The following EDIL3 variants were observed in gnomAD, a reference collection of about 807,000 sequenced individuals.
EDIL3 encodes the protein EGF like and discoidin domains 3.
A neutral mutation model predicts 67.4 loss-of-function variants in EDIL3; 37 were observed. The ratio of observed to expected loss-of-function variants is 0.55; its 90% CI spans 0.42 to 0.72. The LOEUF (loss-of-function observed/expected upper bound fraction) is 0.72. Among genes scored for constraint, EDIL3 ranks in the 30% least tolerant of loss-of-function variants. EDIL3 has a pLI of 0.00. For synonymous variants in EDIL3, 195 were observed against 196.3 expected, an observed-to-expected ratio of 0.99 and a Z score of 0.05; for missense variants, 527 against 586.3, an observed-to-expected ratio of 0.90 and a Z score of 1.04.
At chr5:84,170,788 TTTAA>T (rs1028171103) in intron 4 of EDIL3, among the ~76,000 whole-genome samples, 6 of 152,148 alleles carry the variant, frequency 3.9e-5, no homozygotes, top group Non-Finnish European at 7.3e-5. Context: ...TTTATTTTAT[TTTAA>T]TTAATTAATT....
At chr5:84,161,074 A>G (rs929291756) in intron 4 of EDIL3, among the ~76,000 whole-genome samples, 1 of 151,972 alleles carries the variant, frequency 6.6e-6, no homozygotes, top group African/African-American at 2.4e-5. Flanking sequence ...TCCCACTTAC[A>G]AATGAGAACA....
chr5:84,300,097 C>G (rs1033610593), intron 1 of EDIL3, among the ~76,000 whole-genome samples: 2 of 152,202 alleles, frequency 1.3e-5, no homozygotes, highest in Non-Finnish European at 2.9e-5. Context: ...TGGCACAGTA[C>G]TCACTGGATT....
chr5:83,992,897 A>T (rs1745175180), intron 9 of EDIL3, among the ~76,000 whole-genome samples: 1 of 151,782 alleles, frequency 6.6e-6, no homozygotes, highest in African/African-American at 2.4e-5. Context: ...TTATTAATTA[A>T]AGACTTTAGT....
At chr5:84,323,041 C>T (rs1367668872) in intron 1 of EDIL3, among the ~76,000 whole-genome samples, 1 of 151,928 alleles carries the variant, frequency 6.6e-6, no homozygotes, top group African/African-American at 2.4e-5. Context: ...CAGGACTAGA[C>T]CTATAAAATC....
intron 10 of EDIL3, among the ~76,000 whole-genome samples, chr5:83,962,562 AGT>A (rs765520684): frequency 3.3e-5 from 5 of 151,534 alleles, no homozygotes; most frequent in Non-Finnish European, 1.5e-5. Flanking sequence ...TGATTTGTAC[AGT>A]GTGTGTGTAT....
At chr5:84,277,300 C>T (rs902010054) in intron 1 of EDIL3, among the ~76,000 whole-genome samples, 16 of 151,954 alleles carry the variant, frequency 1.1e-4, no homozygotes, top group South Asian at 4.2e-4. Context: ...GAGGTTATAC[C>T]GAGAAGAGAG....
intron 9 of EDIL3, among the ~76,000 whole-genome samples, chr5:84,023,414 T>C (rs1745753344): frequency 6.6e-6 from 1 of 152,028 alleles, no homozygotes; most frequent in Non-Finnish European, 1.5e-5. Flanking sequence ...TTTAAATTAA[T>C]TTAACTTTAT....
intron 3 of EDIL3, among the ~76,000 whole-genome samples, chr5:84,193,427 T>C (rs1342998734): frequency 5.3e-5 from 8 of 151,796 alleles, no homozygotes; most frequent in Admixed American, 1.3e-4. Flanking sequence ...AGGGTCTAGA[T>C]TGAAAGAGAG....
chr5:84,214,402 C>T (rs1360772558), intron 3 of EDIL3, among the ~76,000 whole-genome samples: 2 of 151,742 alleles, frequency 1.3e-5, no homozygotes, highest in East Asian at 1.9e-4. Context: ...ATAACCCCCG[C>T]CCCCCGCCAC....
intron 1 of EDIL3, among the ~76,000 whole-genome samples, chr5:84,313,623 C>G (rs1746449620): frequency 6.6e-6 from 1 of 152,130 alleles, no homozygotes; most frequent in Non-Finnish European, 1.5e-5. Flanking sequence ...GGTGGTAACT[C>G]CCAAGAGCCA....
At chr5:84,326,085 G>A (rs2112160503) in intron 1 of EDIL3, among the ~76,000 whole-genome samples, 1 of 152,112 alleles carries the variant, frequency 6.6e-6, no homozygotes, top group Non-Finnish European at 1.5e-5. Flanking sequence ...ATGGAATTGA[G>A]TTAGTTATTG....
At position 84,119,961 on chromosome 5, in the gene EDIL3, T is replaced by C. The variant is rs1212005838; in HGVS notation, c.470-13131A>G. Among the ~76,000 whole-genome samples, 3 of 151,958 alleles carry C rather than the reference T, an allele frequency of 2.0e-5. No individual in the cohort carries two copies. The South Asian group carries it at 6.2e-4, about 31-fold the overall frequency. ...ATGTTAATATTCATTGTTTCTGATTTCTAAGGACATAAAGGGGATGTCTTG... is the reference window on the plus strand; with the variant it reads ...ATGTTAATATTCATTGTTTCTGATTCCTAAGGACATAAAGGGGATGTCTTG... On this transcript the variant is annotated intron_variant, in intron 5 of 10. Coordinates refer to ENST00000296591, the MANE Select transcript of EDIL3 (RefSeq NM_005711.5).
At chr5:83,977,368 C>G (rs946594156) in intron 9 of EDIL3, among the ~76,000 whole-genome samples, 3 of 151,766 alleles carry the variant, frequency 2.0e-5, no homozygotes, top group Non-Finnish European at 4.4e-5. Flanking sequence ...TTAAAGACTT[C>G]TACATCATTG....
chr5:84,167,605 C>T (rs1466621993), intron 4 of EDIL3, among the ~76,000 whole-genome samples: 2 of 152,070 alleles, frequency 1.3e-5, no homozygotes, highest in African/African-American at 2.4e-5. Context: ...ACCAATAATA[C>T]CAAGAATGAT....
chr5:84,070,627 GTGTGT>G (rs1746723371), intron 6 of EDIL3, among the ~76,000 whole-genome samples: 1 of 151,800 alleles, frequency 6.6e-6, no homozygotes, highest in Non-Finnish European at 1.5e-5. Flanking sequence ...GTGTGTGTGT[GTGTGT>G]GTGTGTGTGT....
chr5:84,335,732 G>C (rs760089353), intron 1 of EDIL3, among the ~76,000 whole-genome samples: 1 of 152,170 alleles, frequency 6.6e-6, no homozygotes, highest in Non-Finnish European at 1.5e-5. Context: ...AGGTAGAGGG[G>C]TTATGGAAGA....
intron 1 of EDIL3, among the ~76,000 whole-genome samples, chr5:84,319,706 G>A (rs975825549): frequency 1.1e-4 from 17 of 152,036 alleles, no homozygotes; most frequent in Non-Finnish European, 2.4e-4. Flanking sequence ...GCACACATAT[G>A]TTTACTGCAG....
At chr5:83,996,306 A>G (rs1745237691) in intron 9 of EDIL3, among the ~76,000 whole-genome samples, 1 of 152,214 alleles carries the variant, frequency 6.6e-6, no homozygotes, top group Non-Finnish European at 1.5e-5. Context: ...TCAAACAGAA[A>G]GAATCTGTTC....
At chr5:84,170,145 A>G (rs568985265) in intron 4 of EDIL3, among the ~76,000 whole-genome samples, 3 of 152,206 alleles carry the variant, frequency 2.0e-5, no homozygotes, top group Non-Finnish European at 4.4e-5. Flanking sequence ...TACAGGAGAA[A>G]TGATATTGCA....
Sources: gnomAD v4.1 joint callset for allele counts (sites outside exome capture counted in the v4.1 genomes callset) on GRCh38, gnomAD v4.1.1 for gene constraint, MANE v1.5 for transcripts, NCBI Gene and HGNC (gene_info 2026-07-23, HGNC 2026-07-21) for gene names.